The following IL1RAP variants were observed in gnomAD, a reference collection of about 807,000 sequenced individuals.
IL1RAP encodes the protein interleukin-1 receptor accessory protein.
IL1RAP carries 35 observed loss-of-function variants against 60.7 expected under a neutral mutation model. The ratio of observed to expected loss-of-function variants is 0.58; its 90% CI spans 0.44 to 0.76. The LOEUF is 0.76. Among genes scored for constraint, IL1RAP ranks in the 30% least tolerant of loss-of-function variants. IL1RAP has a pLI of 0.00. For missense variants in IL1RAP, 572 were observed against 693.9 expected (o/e 0.82, Z 1.97); for synonymous variants, 268 against 250.9 (o/e 1.07, Z -0.64).
intron 5 of IL1RAP, among the ~76,000 whole-genome samples, chr3:190,616,958 A>G (rs1426471737): frequency 6.6e-6 from 1 of 152,242 alleles, no homozygotes; most frequent in African/African-American, 2.4e-5. Flanking sequence ...ACAGAGCATT[A>G]TAATAATGTA....
At position 190,648,537 on chromosome 3, in the gene IL1RAP, G is replaced by C. The variant is rs1202031531; in HGVS notation, c.1545G>C (p.Lys515Asn). 6.2e-7 allele frequency: 1 copy of C among 1,613,992 alleles called. No individual in the cohort carries two copies. The highest frequency in any genetic ancestry group is 8.5e-7 in the Non-Finnish European group (1 of 1,180,002). Residue 515 changes from lysine to asparagine, a missense_variant, in exon 12 of 12, where the codon AAG (lysine) becomes AAC (asparagine). Coordinates refer to ENST00000447382, the MANE Select transcript of IL1RAP (RefSeq NM_002182.4). ...AVKETKVKEL[K>N]RAKTVLTVIK... is the part of the protein sequence containing the mutation. ...AGGAAACGAAGGTGAAAGAGCTGAA[G>C]AGGGCTAAGACGGTGCTCACGGTCA...
chr3:190,545,272 T>C (rs1724270833), intron 1 of IL1RAP, among the ~76,000 whole-genome samples: 1 of 152,168 alleles, frequency 6.6e-6, no homozygotes, highest in Admixed American at 6.5e-5. Context: ...ATTATGCATA[T>C]CTGCCACCCT....
chr3:190,608,322 A>G (rs560587391), intron 4 of IL1RAP, among the ~76,000 whole-genome samples: 4 of 152,270 alleles, frequency 2.6e-5, no homozygotes, highest in South Asian at 2.1e-4. Flanking sequence ...ACTGTAGGCA[A>G]TTATCACACA....
intron 3 of IL1RAP, among the ~76,000 whole-genome samples, chr3:190,594,863 T>C (rs1332242755): frequency 6.6e-6 from 1 of 152,242 alleles, no homozygotes; most frequent in Non-Finnish European, 1.5e-5. Context: ...TTTTATGTCA[T>C]AGGCTTATTT....
At position 190,648,319 on chromosome 3, in the gene IL1RAP, T is replaced by C; in HGVS notation, c.1346-19T>C. 2 of 1,558,750 alleles carry C rather than the reference T, an allele frequency of 1.3e-6. No homozygotes were observed. The highest frequency in any genetic ancestry group is 1.7e-6 in the Non-Finnish European group (2 of 1,159,868). ...AGTTTTTGGCCAACACTAATCCCCA[T>C]GGTTGTTTTCTTTCCCAGTTGTCAC... On this transcript the variant is annotated intron_variant, in intron 11 of 11. Coordinates refer to ENST00000447382, the MANE Select transcript of IL1RAP (RefSeq NM_002182.4).
chr3:190,564,908 G>T (rs1726240927), intron 3 of IL1RAP, among the ~76,000 whole-genome samples: 1 of 152,066 alleles, frequency 6.6e-6, no homozygotes, highest in South Asian at 2.1e-4. Context: ...CATGGGCCTG[G>T]ATCACGTGAA....
At chr3:190,549,980 AT>A (rs565767337) in intron 1 of IL1RAP, among the ~76,000 whole-genome samples, 1 of 152,132 alleles carries the variant, frequency 6.6e-6, no homozygotes, top group Non-Finnish European at 1.5e-5. Flanking sequence ...TTCCTAGCAA[AT>A]ACCTGGGGTG....
chr3:190,574,589 G>A (rs1456199216), intron 3 of IL1RAP, among the ~76,000 whole-genome samples: 3 of 152,218 alleles, frequency 2.0e-5, no homozygotes, highest in Non-Finnish European at 4.4e-5. Flanking sequence ...ACTCAGTCAA[G>A]GATGTTTACA....
At chr3:190,608,272 C>G (rs1296102065) in intron 4 of IL1RAP, among the ~76,000 whole-genome samples, 1 of 152,120 alleles carries the variant, frequency 6.6e-6, no homozygotes, top group African/African-American at 2.4e-5. Flanking sequence ...GTCTGTTACT[C>G]CTAGGCTACC....
At chr3:190,519,224 A>G (rs1370331579) in intron 1 of IL1RAP, among the ~76,000 whole-genome samples, 2 of 152,204 alleles carry the variant, frequency 1.3e-5, no homozygotes, top group African/African-American at 4.8e-5. Flanking sequence ...AATCACATCT[A>G]TTTGCAAAAG....
chr3:190,603,840 T>C (rs1730060773), intron 3 of IL1RAP, among the ~76,000 whole-genome samples: 2 of 152,200 alleles, frequency 1.3e-5, no homozygotes, highest in Non-Finnish European at 2.9e-5. Context: ...ACACTTGATG[T>C]CTTTCTTAGG....
chr3:190,649,197 C>T lies in IL1RAP; in HGVS notation c.*492C>T, dbSNP rs77067170. Reference sequence around the variant, plus strand: ...AGGATAATGAACTTTTTTCCTCATTCGGCTGTATAATACATAACCACAGCA... The same window carrying T: ...AGGATAATGAACTTTTTTCCTCATTTGGCTGTATAATACATAACCACAGCA... On this transcript the variant is annotated 3_prime_UTR_variant, in exon 12 of 12. Coordinates refer to ENST00000447382, the MANE Select transcript of IL1RAP (RefSeq NM_002182.4). 2.6e-3 allele frequency: 2,545 copies of T among 986,784 alleles called. 47 individuals carry two copies. The African/African-American group carries it at 0.041, about 16-fold the overall frequency. The allele number at this position is 986,784 out of a possible 1,614,324, so 61.1% of individuals were successfully genotyped here. A position where few individuals can be genotyped will look rare whatever the true frequency, so the allele number is the denominator to read the frequency against.
At chr3:190,653,642 C>A (rs1164579231), downstream of IL1RAP, among the ~76,000 whole-genome samples, 1 of 151,950 alleles carries the variant, frequency 6.6e-6, no homozygotes, top group Non-Finnish European at 1.5e-5. Flanking sequence ...CAAGAGTATT[C>A]TTGAGTATTG....
chr3:190,548,615 G>A (rs1724585931), intron 1 of IL1RAP, among the ~76,000 whole-genome samples: 1 of 152,144 alleles, frequency 6.6e-6, no homozygotes, highest in Non-Finnish European at 1.5e-5. Context: ...AAAAAGGAGA[G>A]TAGTAAGAAA....
At chr3:190,638,567 G>GT (rs1387407444) in intron 9 of IL1RAP, among the ~76,000 whole-genome samples, 1 of 152,024 alleles carries the variant, frequency 6.6e-6, no homozygotes, top group Non-Finnish European at 1.5e-5. Context: ...ATGACAATTT[G>GT]TTTTTTCGTG....
chr3:190,522,457 ATCTATCTC>A, intron 1 of IL1RAP, among the ~76,000 whole-genome samples: 1 of 143,048 alleles, frequency 7.0e-6, no homozygotes, highest in East Asian at 2.2e-4. Flanking sequence ...CTATCTATCT[ATCTATCTC>A]TATTTATTAA....
At chr3:190,645,338 A>G (rs1733940453) in intron 10 of IL1RAP, among the ~76,000 whole-genome samples, 1 of 152,222 alleles carries the variant, frequency 6.6e-6, no homozygotes, top group Non-Finnish European at 1.5e-5. Flanking sequence ...CTCAATTTGT[A>G]ATTTTAAGAT....
At chr3:190,547,263 T>G (rs927733915) in intron 1 of IL1RAP, among the ~76,000 whole-genome samples, 2 of 152,192 alleles carry the variant, frequency 1.3e-5, no homozygotes, top group African/African-American at 4.8e-5. Flanking sequence ...TCAATGCATA[T>G]GAAAAGAACT....
chr3:190,565,378 A>G (rs1726294627), intron 3 of IL1RAP, among the ~76,000 whole-genome samples: 1 of 152,194 alleles, frequency 6.6e-6, no homozygotes, highest in Non-Finnish European at 1.5e-5. Context: ...GTTAGCTACC[A>G]TATAACCATG....
Sources: allele counts gnomAD v4.1 joint callset (sites outside exome capture counted in the v4.1 genomes callset), GRCh38; gene constraint gnomAD v4.1.1; transcripts MANE v1.5; gene names NCBI Gene and HGNC (gene_info 2026-07-23, HGNC 2026-07-21).